CAMK4: variants seen among roughly 807,000 people sequenced by gnomAD.
CAMK4 encodes calcium/calmodulin-dependent protein kinase type IV.
In CAMK4, 22 loss-of-function variants were observed where a neutral mutation model predicts 44.9. The ratio of observed to expected loss-of-function variants is 0.49; its 90% CI spans 0.35 to 0.70. The LOEUF is 0.70. Among genes scored for constraint, CAMK4 ranks in the 30% least tolerant of loss-of-function variants. The probability of loss-of-function intolerance (pLI) is 0.01; values close to 1 mark genes in which losing one functional copy is unlikely to be tolerated. For synonymous variants in CAMK4, 218 were observed against 215.4 expected, an observed-to-expected ratio of 1.01 and a Z score of -0.11; for missense variants, 498 against 586.8, an observed-to-expected ratio of 0.85 and a Z score of 1.56.
At position 111,405,207 on chromosome 5, in the gene CAMK4, C is replaced by G. The variant is rs192477651; in HGVS notation, c.459+10425C>G. On this transcript the variant is annotated intron_variant, in intron 5 of 10. Coordinates refer to ENST00000282356, the MANE Select transcript of CAMK4 (RefSeq NM_001744.6). ...AAATTTGGCTGGGTGTGGTGGCTCA[C>G]GCCTGTAATCCCAGCACTTTGGGAG... Among the ~76,000 whole-genome samples the G allele has an allele frequency of 4.1e-4, 63 of 152,296 alleles. 1 individual carries two copies. In the Middle Eastern group the frequency reaches 0.01, roughly 25 times the overall value.
intron 1 of CAMK4, among the ~76,000 whole-genome samples, chr5:111,230,107 C>T (rs1748395657): frequency 6.6e-6 from 1 of 152,074 alleles, no homozygotes; most frequent in South Asian, 2.1e-4. Flanking sequence ...TTCTAGTGAC[C>T]CTAGGATAAG....
intron 7 of CAMK4, among the ~76,000 whole-genome samples, chr5:111,461,813 TAAAAAAAAA>T (rs3066731): frequency 1.4e-5 from 1 of 69,170 alleles, no homozygotes; most frequent in Non-Finnish European, 2.8e-5. Context: ...GCCTCTATAG[TAAAAAAAAA>T]AAAAAAAAAA....
At chr5:111,444,193 A>G (rs761856448) in intron 5 of CAMK4, among the ~76,000 whole-genome samples, 24 of 152,186 alleles carry the variant, frequency 1.6e-4, no homozygotes, top group Non-Finnish European at 3.1e-4. Context: ...CAGATGCCTG[A>G]GTCTGAATCC....
rs765405257 is a variant in CAMK4 at position 111,330,610 on chromosome 5, A to G, written c.162-13414A>G. 4.6e-4 allele frequency among the ~76,000 whole-genome samples: 70 copies of G among 151,686 alleles called. 1 individual carries two copies. Among genetic ancestry groups the G allele is most frequent in the Non-Finnish European group, 9.0e-4 (61 of 67,800 alleles). ...ATAATTAATTATAAGTAATCTAGAG[A>G]TGATTTAAAGTATAAGGGGGAATGT... On this transcript the variant is annotated intron_variant, in intron 1 of 10. Transcript: ENST00000282356.
chr5:111,245,643 C>T (rs889042418), intron 1 of CAMK4, among the ~76,000 whole-genome samples: 2 of 152,166 alleles, frequency 1.3e-5, no homozygotes, highest in South Asian at 2.1e-4. Flanking sequence ...CTTGACTTCT[C>T]CAACTGATTC....
intron 1 of CAMK4, among the ~76,000 whole-genome samples, chr5:111,318,941 T>C (rs928174112): frequency 6.6e-6 from 1 of 152,192 alleles, no homozygotes; most frequent in South Asian, 2.1e-4. Context: ...TTTATAACAA[T>C]ATTCTTCTCT....
intron 1 of CAMK4, among the ~76,000 whole-genome samples, chr5:111,231,900 C>T (rs1457115): frequency 0.44 from 67,452 of 151,974 alleles, 15,226 homozygotes; most frequent in African/African-American, 0.49. Context: ...ACTCTGAGGA[C>T]TGATTTCTTC....
intron 7 of CAMK4, among the ~76,000 whole-genome samples, chr5:111,469,076 G>A (rs1242425714): frequency 2.1e-5 from 3 of 144,846 alleles, no homozygotes; most frequent in South Asian, 2.2e-4. Flanking sequence ...CCCAGGAGGC[G>A]GAGGTTGCAG....
intron 1 of CAMK4, among the ~76,000 whole-genome samples, chr5:111,227,880 C>T (rs1012740849): frequency 6.6e-6 from 1 of 152,206 alleles, no homozygotes; most frequent in African/African-American, 2.4e-5. Context: ...CTTAAAAATA[C>T]GAATTGGCCA....
chr5:111,461,646 A>T (rs1754644966), intron 7 of CAMK4, among the ~76,000 whole-genome samples: 1 of 151,626 alleles, frequency 6.6e-6, no homozygotes, highest in Non-Finnish European at 1.5e-5. Flanking sequence ...ATTTCCTAAC[A>T]CTGCTTTTCA....
At chr5:111,423,407 G>A (rs1753102629) in intron 5 of CAMK4, among the ~76,000 whole-genome samples, 1 of 152,128 alleles carries the variant, frequency 6.6e-6, no homozygotes, top group Non-Finnish European at 1.5e-5. Flanking sequence ...TCCAGTCTTG[G>A]TTTCTACTTC....
chr5:111,415,159 A>G (rs1465912995), intron 5 of CAMK4, among the ~76,000 whole-genome samples: 1 of 152,228 alleles, frequency 6.6e-6, no homozygotes, highest in Admixed American at 6.5e-5. Context: ...AGTTCTGGAA[A>G]TAAACGATTC....
intron 1 of CAMK4, among the ~76,000 whole-genome samples, chr5:111,249,278 T>C (rs1749373027): frequency 6.6e-6 from 1 of 152,090 alleles, no homozygotes; most frequent in Non-Finnish European, 1.5e-5. Flanking sequence ...GTTTCCTTCC[T>C]TCCAAGAACA....
rs1259399564 is a variant in CAMK4 at position 111,224,700 on chromosome 5, C to T, written c.161+56C>T. 18 of 1,531,220 alleles carry T rather than the reference C, an allele frequency of 1.2e-5. No homozygotes were observed. The highest frequency in any genetic ancestry group is 2.4e-5 in the East Asian group (1 of 41,090). 94.9% of individuals were successfully genotyped at this position (1,531,220 alleles called of 1,614,324 possible). ...GCGGCGTGCACTGGGGGTTGTCCCT[C>T]TCGCAGCGACGGCTCGGAGGGTGCG... On this transcript the variant is annotated intron_variant, in intron 1 of 10. Transcript: ENST00000282356. The surrounding 1 kb of genome is among the most constrained non-coding windows in gnomAD (Gnocchi z 5.7).
At chr5:111,422,046 T>C (rs998538405) in intron 5 of CAMK4, among the ~76,000 whole-genome samples, 1 of 152,338 alleles carries the variant, frequency 6.6e-6, no homozygotes, top group East Asian at 1.9e-4. Context: ...CATCTTTTTC[T>C]TATAAATTAC....
chr5:111,427,525 A>G (rs1035279638), intron 5 of CAMK4, among the ~76,000 whole-genome samples: 1 of 152,220 alleles, frequency 6.6e-6, no homozygotes. Context: ...GCCCACTGCC[A>G]TGAAGGGTGA....
chr5:111,391,312 A>G (rs1751789185), intron 4 of CAMK4, among the ~76,000 whole-genome samples: 2 of 152,166 alleles, frequency 1.3e-5, no homozygotes, highest in Admixed American at 1.3e-4. Context: ...GAGCCATGAA[A>G]CTAGAAAAGA....
chr5:111,290,788 G>A lies in CAMK4; in HGVS notation c.162-53236G>A, dbSNP rs184274279. Among the ~76,000 whole-genome samples, 8 of 152,146 alleles carry A rather than the reference G, an allele frequency of 5.3e-5. No individual in the cohort carries two copies. The highest frequency in any genetic ancestry group is 1.4e-4 in the African/African-American group (6 of 41,426). ...GGCAGGCATGAGGTAAGGTGTCAAGGGTCCCCTACTAATACCTGGGGAGTA... is the reference window on the plus strand; with the variant it reads ...GGCAGGCATGAGGTAAGGTGTCAAGAGTCCCCTACTAATACCTGGGGAGTA... On this transcript the variant is annotated intron_variant, in intron 1 of 10. Coordinates refer to ENST00000282356, the MANE Select transcript of CAMK4 (RefSeq NM_001744.6). This position sits in a 1 kb window ranked among gnomAD's most constrained non-coding sequence, Gnocchi z 4.5.
Position 111,484,385 on chromosome 5 carries a change from A to G in CAMK4, c.1341A>G (p.Ala447=), listed in dbSNP as rs1186809604. Residue 447 remains alanine (A), a synonymous_variant, in exon 11 of 11, where the codon GCA becomes GCG. Coordinates refer to ENST00000282356, the MANE Select transcript of CAMK4 (RefSeq NM_001744.6). This position sits in a 1 kb window ranked among gnomAD's most constrained non-coding sequence, Gnocchi z 5.3. ...AEEKLKTVEE[A]AAPREGQGSS... Reference sequence around the variant, plus strand: ...AGAAGCTGAAGACTGTGGAGGAGGCAGCAGCTCCCAGAGAAGGGCAAGGAA... The same window carrying G: ...AGAAGCTGAAGACTGTGGAGGAGGCGGCAGCTCCCAGAGAAGGGCAAGGAA... 3 of 1,590,352 alleles carry G rather than the reference A, an allele frequency of 1.9e-6. No homozygotes were observed. The highest frequency in any genetic ancestry group is 1.8e-5 in the Admixed American group (1 of 55,082).
Sources: allele counts gnomAD v4.1 joint callset (sites outside exome capture counted in the v4.1 genomes callset), GRCh38; gene constraint gnomAD v4.1.1; non-coding constraint Gnocchi (gnomAD v3.1); transcripts MANE v1.5; gene names NCBI Gene and HGNC (gene_info 2026-07-23, HGNC 2026-07-21).